Variants in RASL12 observed in about 807,000 individuals in gnomAD.
RASL12 encodes the protein RAS like family 12.
In RASL12, 16 loss-of-function variants were observed where a neutral mutation model predicts 22.9. That is an observed-to-expected ratio of 0.70 (90% CI 0.47 to 1.06). The LOEUF (loss-of-function observed/expected upper bound fraction) is 1.06, where lower values mean the gene tolerates loss of function less well. RASL12 is among the 50% of genes least tolerant of loss of function. RASL12 has a pLI of 0.00. For synonymous variants in RASL12, 159 were observed against 152.2 expected (o/e 1.04, Z -0.33); for missense variants, 306 against 353.1 (o/e 0.87, Z 1.07).
At chr15:65,066,019 A>AG (rs1415426244) in intron 1 of RASL12, among the ~76,000 whole-genome samples, 1 of 150,716 alleles carries the variant, frequency 6.6e-6, no homozygotes, top group African/African-American at 2.4e-5. Context: ...GAAAGAAAAG[A>AG]AAAGAGAAGA....
At chr15:65,068,525 C>G (rs2086908236), upstream of RASL12, among the ~76,000 whole-genome samples, 1 of 152,176 alleles carries the variant, frequency 6.6e-6, no homozygotes, top group Non-Finnish European at 1.5e-5. This position sits in a 1 kb window ranked among gnomAD's most constrained non-coding sequence, Gnocchi z 4.2. Context: ...GGAGAGAACC[C>G]CTCACTAAGA....
upstream of RASL12, among the ~76,000 whole-genome samples, chr15:65,069,581 G>C (rs1485104987): frequency 6.6e-6 from 1 of 152,166 alleles, no homozygotes; most frequent in East Asian, 1.9e-4. Context: ...ACCTCTATGT[G>C]GTCTGTTTCC....
At position 65,067,957 on chromosome 15, in the gene RASL12, G is replaced by A; in HGVS notation, c.-122C>T. On this transcript the variant is annotated 5_prime_UTR_variant, in exon 1 of 5. Coordinates refer to ENST00000220062, the MANE Select transcript of RASL12 (RefSeq NM_016563.4). ...TGGAGCGCGCGGCCCCGGACCCGTC[G>A]GCGTCCGCGCCCTCGGCCCCGCGTC... The A allele has an allele frequency of 8.4e-7, 1 of 1,192,326 alleles. No individual in the cohort carries two copies. Among genetic ancestry groups the A allele is most frequent in the South Asian group, 4.3e-5 (1 of 23,394 alleles). The allele number at this position is 1,192,326 out of a possible 1,614,324, so 73.9% of individuals were successfully genotyped here.
intron 2 of RASL12, among the ~76,000 whole-genome samples, chr15:65,063,906 C>G (rs138839864): frequency 3.9e-5 from 6 of 152,110 alleles, no homozygotes; most frequent in Non-Finnish European, 7.4e-5. Context: ...CTGCAGGGAG[C>G]GCAGGGGGTT....
upstream of RASL12, among the ~76,000 whole-genome samples, chr15:65,068,471 C>A (rs561762602): frequency 1.3e-5 from 2 of 152,314 alleles, no homozygotes; most frequent in Admixed American, 1.3e-4. This position sits in a 1 kb window ranked among gnomAD's most constrained non-coding sequence, Gnocchi z 4.2. Flanking sequence ...GGCCTCACTG[C>A]AGAACCCATT....
At position 65,054,129 on chromosome 15, in the gene RASL12, G is replaced by A; in HGVS notation, c.*770C>T. The A allele has an allele frequency of 1.0e-6, 1 of 985,928 alleles. No individual in the cohort carries two copies. Among genetic ancestry groups the A allele is most frequent in the Non-Finnish European group, 1.2e-6 (1 of 830,012 alleles). 61.1% of individuals were successfully genotyped at this position (985,928 alleles called of 1,614,324 possible). On this transcript the variant is annotated 3_prime_UTR_variant, in exon 5 of 5. Coordinates refer to ENST00000220062, the MANE Select transcript of RASL12 (RefSeq NM_016563.4). ...GAGTGACAACTTTCTTCTGCAGCCT[G>A]GATCATTAAGCTTGAGGGAGCTGAT...
chr15:65,065,465 C>T (rs2086865167), intron 1 of RASL12, among the ~76,000 whole-genome samples, 192 bp from the exon 2 acceptor site: 3 of 152,156 alleles, frequency 2.0e-5, no homozygotes, highest in Admixed American at 2.0e-4. Context: ...TACGGGGAGC[C>T]AAGTGCCTCT....
rs1030019769 is a variant in RASL12, at chr15:65,065,346, G to T, written c.104-73C>A. The T allele has an allele frequency of 3.5e-6, 5 of 1,412,712 alleles. No individual in the cohort carries two copies. In the South Asian group the frequency reaches 6.1e-5, roughly 17 times the overall value. The allele number at this position is 1,412,712 out of a possible 1,614,324, so 87.5% of individuals were successfully genotyped here. A position where few individuals can be genotyped will look rare whatever the true frequency, so the allele number is the denominator to read the frequency against. On this transcript the variant is annotated intron_variant, in intron 1 of 4. Transcript: ENST00000220062. Reference sequence around the variant, plus strand: ...GCTGCTGGCCCCTCGTTTAAGGGAGGCCTTATCTAACCTCTGTGATCCCCG... The same window carrying T: ...GCTGCTGGCCCCTCGTTTAAGGGAGTCCTTATCTAACCTCTGTGATCCCCG...
chr15:65,067,679 C>T, intron 1 of RASL12, 54 bp downstream of exon 1: 2 of 1,497,594 alleles, frequency 1.3e-6, no homozygotes, highest in Non-Finnish European at 1.8e-6. Context: ...CCACTGTCCC[C>T]CCACCCACGC....
intron 1 of RASL12, among the ~76,000 whole-genome samples, chr15:65,066,124 GAA>G (rs1012129680): frequency 2.1e-5 from 3 of 145,492 alleles, no homozygotes; most frequent in African/African-American, 7.6e-5. Context: ...GAAAGAGAGA[GAA>G]AGAAGAAAGA....
chr15:65,061,099 A>C (rs2086797910), intron 2 of RASL12, among the ~76,000 whole-genome samples: 1 of 152,242 alleles, frequency 6.6e-6, no homozygotes, highest in Non-Finnish European at 1.5e-5. Context: ...TGTCCTGCCC[A>C]GCCCAGTGAA....
intron 4 of RASL12, among the ~76,000 whole-genome samples, chr15:65,056,371 AGAGT>A (rs1439352952): frequency 3.3e-5 from 5 of 152,146 alleles, no homozygotes; most frequent in African/African-American, 9.7e-5. Context: ...GGTCTCAGAG[AGAGT>A]GAGTAACTGG....
chr15:65,074,210 C>G (rs915386792), intron 1 of RASL12, among the ~76,000 whole-genome samples: 2 of 137,356 alleles, frequency 1.5e-5, no homozygotes, highest in African/African-American at 5.5e-5. Flanking sequence ...GCCTTGTTCT[C>G]CAACCTGCCT....
rs924148234 is a variant in RASL12 at position 65,067,960 on chromosome 15, G to T, written c.-125C>A. 10 of 1,189,734 alleles carry T rather than the reference G, an allele frequency of 8.4e-6. No homozygotes were observed. Among genetic ancestry groups the T allele is most frequent in the African/African-American group, 8.0e-5 (5 of 62,610 alleles). 73.7% of individuals were successfully genotyped at this position (1,189,734 alleles called of 1,614,324 possible). ...AGCGCGCGGCCCCGGACCCGTCGGC[G>T]TCCGCGCCCTCGGCCCCGCGTCCAG... On this transcript the variant is annotated 5_prime_UTR_variant, in exon 1 of 5. Transcript: ENST00000220062.
intron 2 of RASL12, among the ~76,000 whole-genome samples, chr15:65,064,831 T>A (rs1326289312): frequency 6.6e-6 from 1 of 152,172 alleles, no homozygotes; most frequent in Non-Finnish European, 1.5e-5. Context: ...TGACCTCAGG[T>A]GATCCACCCA....
At position 65,055,051 on chromosome 15, in the gene RASL12, C is replaced by A. The variant is rs754457266; in HGVS notation, c.649G>T (p.Ala217Ser). 1 of 1,613,410 alleles carries A rather than the reference C, an allele frequency of 6.2e-7. No individual in the cohort carries two copies. Among genetic ancestry groups the A allele is most frequent in the East Asian group, 2.2e-5 (1 of 44,858 alleles). The change falls in exon 5 of 5, where the codon GCC becomes TCC. Residue 217 changes from alanine (A) to serine (S), a missense_variant. Ala to Ser is a moderately conservative substitution (Grantham distance 99, BLOSUM62 1). Transcript: ENST00000220062. The part of the protein sequence containing the change: ...QAPLTARHGL[A>S]SCTFNTLSTI... ...GAGAGCGTGTTGAAGGTGCAGCTGG[C>A]CAGCCCATGCCGCGCGGTGAGCGGG...
downstream of RASL12, among the ~76,000 whole-genome samples, chr15:65,051,177 C>T (rs1421729423): frequency 6.6e-6 from 1 of 151,614 alleles, no homozygotes; most frequent in Non-Finnish European, 1.5e-5. Flanking sequence ...CAGGTCCAGC[C>T]CAGGCTGGCA....
At chr15:65,074,674 G>C (rs2086952624) in intron 1 of RASL12, among the ~76,000 whole-genome samples, 1 of 152,170 alleles carries the variant, frequency 6.6e-6, no homozygotes, top group South Asian at 2.1e-4. Context: ...TGGGATTACA[G>C]GAATGAGCCA....
At chr15:65,074,073 T>C (rs145203130) in intron 1 of RASL12, among the ~76,000 whole-genome samples, 71 of 152,256 alleles carry the variant, frequency 4.7e-4, no homozygotes, top group Admixed American at 7.8e-4. Context: ...ACCTTTCCCA[T>C]TTTTCAGGAA....
Sources: allele counts gnomAD v4.1 joint callset (sites outside exome capture counted in the v4.1 genomes callset), GRCh38; gene constraint gnomAD v4.1.1; non-coding constraint Gnocchi (gnomAD v3.1); transcripts MANE v1.5; gene names NCBI Gene and HGNC (gene_info 2026-07-23, HGNC 2026-07-21).